DMD: variants seen among roughly 807,000 people sequenced by gnomAD.
The protein encoded by DMD is mutant dystrophin.
DMD carries 63 observed loss-of-function variants against 330.1 expected under a neutral mutation model. That is an observed-to-expected ratio of 0.19 (90% confidence interval 0.16 to 0.24). The LOEUF is 0.24. Among genes scored for constraint, DMD ranks in the 10% least tolerant of loss-of-function variants. DMD has a pLI of 1.00. For missense variants in DMD, 3,344 were observed against 2,684.1 expected, an observed-to-expected ratio of 1.25 and a Z score of -5.43; for synonymous variants, 1,223 against 959.8, an observed-to-expected ratio of 1.27 and a Z score of -5.07.
At chrX:33,254,341 A>C (rs143563731) in intron 1 of DMD, among the ~76,000 whole-genome samples, 4,330 of 110,801 alleles carry the variant, frequency 0.039, 98 homozygotes, top group Non-Finnish European at 0.056. Flanking sequence ...GACTTGAAAA[A>C]AGATATGATA....
At chrX:32,923,850 T>C (rs1458327108) in intron 2 of DMD, among the ~76,000 whole-genome samples, 1 of 111,552 alleles carries the variant, frequency 9.0e-6, no homozygotes, top group East Asian at 2.8e-4. Context: ...TAAATTTTAA[T>C]TAGGAAAAGA....
intron 4 of DMD, among the ~76,000 whole-genome samples, chrX:32,836,960 T>C (rs746726179): frequency 1.8e-5 from 2 of 111,277 alleles, no homozygotes; most frequent in South Asian, 7.5e-4. Flanking sequence ...ACTCTCAGCG[T>C]GTCTTTCTTT....
At chrX:32,619,976 A>C (rs2057872533) in intron 11 of DMD, among the ~76,000 whole-genome samples, 1 of 111,103 alleles carries the variant, frequency 9.0e-6, no homozygotes, top group African/African-American at 3.3e-5. Context: ...AGGAAGAGAA[A>C]AGTACCACAA....
rs2032219136 is a variant in DMD at position 31,120,498 on chromosome X, A to T, written c.*1421T>A. The T allele has an allele frequency of 8.9e-6, 1 of 112,171 alleles. No homozygotes were observed. Among genetic ancestry groups the T allele is most frequent in the Non-Finnish European group, 1.9e-5 (1 of 53,215 alleles). The allele number at this position is 112,171 out of a possible 1,213,427, so 9.2% of individuals were successfully genotyped here. A position where few individuals can be genotyped will look rare whatever the true frequency, so the allele number is the denominator to read the frequency against. Reference sequence around the variant, plus strand: ...TTACACCTTTTCCCAAAGTTTATTTATTTTAAATTATGTCTTGTGGCATTT... The same window carrying T: ...TTACACCTTTTCCCAAAGTTTATTTTTTTTAAATTATGTCTTGTGGCATTT... On this transcript the variant is annotated 3_prime_UTR_variant, in exon 79 of 79. Coordinates refer to ENST00000357033, the MANE Select transcript of DMD (RefSeq NM_004006.3).
chrX:33,242,137 G>A (rs1011061748), intron 1 of DMD, among the ~76,000 whole-genome samples: 2 of 111,306 alleles, frequency 1.8e-5, no homozygotes, highest in African/African-American at 6.5e-5. Flanking sequence ...CTAAGTTATT[G>A]GGGTACAGGT....
chrX:32,327,256 T>TA (rs1415549576), intron 41 of DMD, among the ~76,000 whole-genome samples: 2 of 110,877 alleles, frequency 1.8e-5, no homozygotes, highest in East Asian at 2.8e-4. Flanking sequence ...GCAAAATTTT[T>TA]AAAAAATCTC....
At chrX:33,215,909 G>A (rs1343199960), upstream of DMD, among the ~76,000 whole-genome samples, 2 of 111,947 alleles carry the variant, frequency 1.8e-5, no homozygotes, top group African/African-American at 6.5e-5. Context: ...GTACCATGCT[G>A]TTTGGGTTAC....
chrX:31,465,408 A>G (rs7876963), intron 59 of DMD, among the ~76,000 whole-genome samples: 1,911 of 109,832 alleles, frequency 0.017, 45 homozygotes, highest in African/African-American at 0.06. Flanking sequence ...CCCTGTGTCC[A>G]TGGGCTCTCG....
At chrX:31,608,168 A>G (rs890774958) in intron 55 of DMD, among the ~76,000 whole-genome samples, 6 of 111,944 alleles carry the variant, frequency 5.4e-5, no homozygotes, top group African/African-American at 1.9e-4. Flanking sequence ...CATGTTCACT[A>G]TTTTCATATA....
intron 1 of DMD, among the ~76,000 whole-genome samples, chrX:33,229,389 T>C (rs1384373893): frequency 1.8e-5 from 2 of 109,960 alleles, no homozygotes; most frequent in African/African-American, 6.8e-5. Flanking sequence ...AGGCTCTATT[T>C]ATTTACTTAT....
At chrX:31,915,964 A>AT (rs746394611) in intron 47 of DMD, among the ~76,000 whole-genome samples, 210 of 112,048 alleles carry the variant, frequency 1.9e-3, no homozygotes, top group African/African-American at 6.5e-3. Flanking sequence ...TAATCCCTGA[A>AT]TATGGGCCTG....
intron 52 of DMD, 39 bp downstream of exon 52, chrX:31,729,592 A>C (rs759278462): frequency 1.9e-6 from 2 of 1,042,991 alleles, no homozygotes. Flanking sequence ...CTTGTCATGC[A>C]TCTTGCTTTG....
At chrX:32,381,739 T>A (rs1053440252) in intron 33 of DMD, among the ~76,000 whole-genome samples, 2 of 111,499 alleles carry the variant, frequency 1.8e-5, no homozygotes, top group African/African-American at 3.3e-5. Flanking sequence ...AAAGAGTTTA[T>A]ACTCTTACAA....
At chrX:32,833,206 T>C (rs757652762) in intron 4 of DMD, among the ~76,000 whole-genome samples, 22 of 111,529 alleles carry the variant, frequency 2.0e-4, no homozygotes, top group Non-Finnish European at 3.6e-4. Context: ...ATCACTCTGA[T>C]ACATTGCAGG....
At chrX:32,390,008 A>T in intron 31 of DMD, 63 bp downstream of exon 31, 2 of 891,143 alleles carry the variant, frequency 2.2e-6, no homozygotes, top group Middle Eastern at 2.7e-4. Context: ...CAAGTTGTCC[A>T]ATATAGACTG....
intron 16 of DMD, among the ~76,000 whole-genome samples, chrX:32,560,200 A>G (rs1249754739): frequency 9.2e-6 from 1 of 108,939 alleles, no homozygotes; most frequent in Non-Finnish European, 1.9e-5. Context: ...AAAAAAATAT[A>G]TATATATATG....
chrX:32,996,814 C>CA (rs765407106), intron 2 of DMD, among the ~76,000 whole-genome samples: 3,133 of 81,533 alleles, frequency 0.038, 113 homozygotes, highest in African/African-American at 0.12. Context: ...AAGACTGTTT[C>CA]AAAAAAAAAA....
chrX:33,203,886 T>G (rs2148837666), intron 1 of DMD, among the ~76,000 whole-genome samples: 1 of 111,355 alleles, frequency 9.0e-6, no homozygotes, highest in South Asian at 3.8e-4. Context: ...TGTTCCAATT[T>G]CCCTTCCAAT....
intron 48 of DMD, among the ~76,000 whole-genome samples, chrX:31,859,674 G>A (rs755415723): frequency 1.5e-4 from 17 of 112,100 alleles, no homozygotes; most frequent in South Asian, 3.7e-4. Flanking sequence ...TAAATGATAC[G>A]ACTTTGTGAA....
Sources: allele counts gnomAD v4.1 joint callset (sites outside exome capture counted in the v4.1 genomes callset), GRCh38; gene constraint gnomAD v4.1.1; transcripts MANE v1.5; gene names NCBI Gene and HGNC (gene_info 2026-07-23, HGNC 2026-07-21).